The following GALNT4 variants were observed in gnomAD, a reference collection of about 807,000 sequenced individuals.
The protein encoded by GALNT4 is UDP-GalNAc:polypeptide N-acetylgalactosaminyltransferase 4.
Under a neutral mutation model 45.1 loss-of-function variants are expected in GALNT4, and 23 were observed. The ratio of observed to expected loss-of-function variants is 0.51; its 90% confidence interval spans 0.37 to 0.72. The LOEUF is 0.72. Ranked by LOEUF, GALNT4 falls within the 30% of genes least tolerant of loss-of-function variation. GALNT4 has a pLI of 0.00. For missense variants in GALNT4, 757 were observed against 709.0 expected, an observed-to-expected ratio of 1.07 and a Z score of -0.77; for synonymous variants, 264 against 257.6, an observed-to-expected ratio of 1.02 and a Z score of -0.24.
rs1286802273 is a variant in GALNT4, at chr12:89,523,992, A to C, written c.558T>G (p.Leu186=). The change falls in exon 1 of 1, where the codon CTT becomes CTG. Residue 186 remains leucine (L), a synonymous_variant. Transcript: ENST00000529983. ...TATCAAGATTGCTGATGTAAGTTTC[A>C]AGTTGTGTCTTCAAATAAACTCTGT... The part of the protein sequence containing the change: ...LSDRVYLKTQ[L]ETYISNLDRV... 3.1e-6 allele frequency: 5 copies of C among 1,613,892 alleles called. No homozygotes were observed. In the African/African-American group the frequency reaches 5.3e-5, roughly 17 times the overall value.
Position 89,521,686 on chromosome 12 carries a change from C to CCATTCATTCATTCATTCAGT in GALNT4, c.*1107_*1126dup, listed in dbSNP as rs1312690002. The CCATTCATTCATTCATTCAGT allele has an allele frequency of 4.0e-6, 1 of 248,438 alleles. No homozygotes were observed. The highest frequency in any genetic ancestry group is 7.3e-5 in the East Asian group (1 of 13,738). 15.4% of individuals were successfully genotyped at this position (248,438 alleles called of 1,614,324 possible). On this transcript the variant is annotated 3_prime_UTR_variant, in exon 1 of 1. Coordinates refer to ENST00000529983, the MANE Select transcript of GALNT4 (RefSeq NM_003774.5). Reference sequence around the variant, plus strand: ...ACCAAAGTTACATTCCTCAGCTGAGCCATTCATTCATTCATTCAGTCATTC... The same window carrying CCATTCATTCATTCATTCAGT: ...ACCAAAGTTACATTCCTCAGCTGAGCCATTCATTCATTCATTCAGTCATTCATTCATTCATTCAGTCATTC...
chr12:89,522,651 G>C lies in GALNT4; in HGVS notation c.*162C>G, dbSNP rs1384339847. ...TAAACAGCAGCACTCTGGGTACCCA[G>C]TTTCAGTGTGATATACCAAAATGAA... is the stretch of plus-strand genomic sequence containing the variant. On this transcript the variant is annotated 3_prime_UTR_variant, in exon 1 of 1. Coordinates refer to ENST00000529983, the MANE Select transcript of GALNT4 (RefSeq NM_003774.5). The C allele has an allele frequency of 5.0e-6, 4 of 803,548 alleles. No homozygotes were observed. The highest frequency in any genetic ancestry group is 7.1e-6 in the Non-Finnish European group (4 of 559,834). 49.8% of individuals were successfully genotyped at this position (803,548 alleles called of 1,614,324 possible). A position where few individuals can be genotyped will look rare whatever the true frequency, so the allele number is the denominator to read the frequency against.
rs969955097 is a variant in GALNT4, at chr12:89,520,914, C to T, written c.*1899G>A. 4 of 151,992 alleles carry T rather than the reference C, an allele frequency of 2.6e-5. No individual in the cohort carries two copies. Among genetic ancestry groups the T allele is most frequent in the South Asian group, 2.1e-4 (1 of 4,828 alleles). 9.4% of individuals were successfully genotyped at this position (151,992 alleles called of 1,614,324 possible). A position where few individuals can be genotyped will look rare whatever the true frequency, so the allele number is the denominator to read the frequency against. On this transcript the variant is annotated 3_prime_UTR_variant, in exon 1 of 1. Coordinates refer to ENST00000529983, the MANE Select transcript of GALNT4 (RefSeq NM_003774.5). ...CCAGTAAAAATACTTTTAAAAAAAG[C>T]GTTTACTTCCCGAGTAATTTAGTTT...
Position 89,522,698 on chromosome 12 carries a change from C to T in GALNT4, c.*115G>A. On this transcript the variant is annotated 3_prime_UTR_variant, in exon 1 of 1. Coordinates refer to ENST00000529983, the MANE Select transcript of GALNT4 (RefSeq NM_003774.5). ...TGAACCCCAGCTTTCCAGTGCTCCA[C>T]AGATGACTGCTAGGTGGCTTTTGAT... 1 of 1,375,064 alleles carries T rather than the reference C, an allele frequency of 7.3e-7. No homozygotes were observed. Among genetic ancestry groups the T allele is most frequent in the Admixed American group, 2.7e-5 (1 of 37,332 alleles). 85.2% of individuals were successfully genotyped at this position (1,375,064 alleles called of 1,614,324 possible). A position where few individuals can be genotyped will look rare whatever the true frequency, so the allele number is the denominator to read the frequency against.
Position 89,522,067 on chromosome 12 carries a change from C to T in GALNT4, c.*746G>A, listed in dbSNP as rs550261234. 1.5e-5 allele frequency: 6 copies of T among 398,984 alleles called. No individual in the cohort carries two copies. The highest frequency in any genetic ancestry group is 6.2e-5 in the African/African-American group (3 of 48,736). 24.7% of individuals were successfully genotyped at this position (398,984 alleles called of 1,614,324 possible). The stretch of plus-strand genomic sequence containing the variant: ...AGAAAATGCCCTACACACACAAACA[C>T]GTTCACAGAGAAGACAGCTTACAAA... On this transcript the variant is annotated 3_prime_UTR_variant, in exon 1 of 1. Coordinates refer to ENST00000529983, the MANE Select transcript of GALNT4 (RefSeq NM_003774.5).
rs747094009 is a variant in GALNT4, at chr12:89,521,559, G to T, written c.*1254C>A. On this transcript the variant is annotated 3_prime_UTR_variant, in exon 1 of 1. Transcript: ENST00000529983. The stretch of plus-strand genomic sequence containing the variant: ...TGAGTCAATCTGGGAAGAATATACT[G>T]TACAATCAGCATTTCAGAGCTGGAA... 6.4e-6 allele frequency: 1 copy of T among 155,996 alleles called. No homozygotes were observed. Among genetic ancestry groups the T allele is most frequent in the Non-Finnish European group, 1.4e-5 (1 of 70,822 alleles). The allele number at this position is 155,996 out of a possible 1,614,324, so 9.7% of individuals were successfully genotyped here.
Position 89,524,267 on chromosome 12 carries a change from C to G in GALNT4, c.283G>C (p.Glu95Gln). ...TTGATGGCGTATCTCTCAATGAGTT[C>G]TTCTTGCTGCTTCAGTTCATCCTCG... ...LNEDELKQQEELIERYAINIY... is the reference protein window; with the variant it reads ...LNEDELKQQEQLIERYAINIY... Residue 95 changes from glutamate to glutamine, a missense_variant, in exon 1 of 1, where the codon GAA becomes CAA. Glu to Gln is a conservative substitution (Grantham distance 29, BLOSUM62 2). Coordinates refer to ENST00000529983, the MANE Select transcript of GALNT4 (RefSeq NM_003774.5). 6.2e-7 allele frequency: 1 copy of G among 1,613,966 alleles called. No individual in the cohort carries two copies. Among genetic ancestry groups the G allele is most frequent in the Non-Finnish European group, 8.5e-7 (1 of 1,179,886 alleles).
rs1251995347 is a variant in GALNT4, at chr12:89,523,597, T to C, written c.953A>G (p.Lys318Arg). The change falls in exon 1 of 1, where the codon AAG (lysine) becomes AGG (arginine). Residue 318 changes from lysine to arginine, a missense_variant. By Grantham distance (26) the Lys-to-Arg change is conservative. Coordinates refer to ENST00000529983, the MANE Select transcript of GALNT4 (RefSeq NM_003774.5). ...CGTTCCAAGGTACTGAAAATATTTC[T>C]TGCTGACAGCAAACAGTCCTCCAGC... Reference protein sequence around the residue: ...TMAGGLFAVSKKYFQYLGTYD... With the variant: ...TMAGGLFAVSRKYFQYLGTYD... The C allele has an allele frequency of 3.8e-6, 6 of 1,564,486 alleles. No individual in the cohort carries two copies. The highest frequency in any genetic ancestry group is 2.0e-5 in the Admixed American group (1 of 50,996).
In GALNT4 at chr12:89,522,608, TA is replaced by T; in HGVS notation, c.*204del. 2.1e-6 allele frequency: 1 copy of T among 478,858 alleles called. No homozygotes were observed. Among genetic ancestry groups the T allele is most frequent in the Non-Finnish European group, 3.4e-6 (1 of 290,844 alleles). 29.7% of individuals were successfully genotyped at this position (478,858 alleles called of 1,614,324 possible). A position where few individuals can be genotyped will look rare whatever the true frequency, so the allele number is the denominator to read the frequency against. On this transcript the variant is annotated 3_prime_UTR_variant, in exon 1 of 1. Coordinates refer to ENST00000529983, the MANE Select transcript of GALNT4 (RefSeq NM_003774.5). ...ACTCTTATATAAAACAACCAATAAG[TA>T]AGGCATTGTGAAATATTAAACAGCA...
In GALNT4 at chr12:89,523,907, CCCCAATCAGA is replaced by C. The variant is rs1463513094; in HGVS notation, c.633_642del (p.Leu212ProfsTer42). 1.3e-6 allele frequency: 2 copies of C among 1,594,858 alleles called. No individual in the cohort carries two copies. The highest frequency in any genetic ancestry group is 4.5e-5 in the East Asian group (2 of 44,818). ...AGGACGTCCCCAGTGGCGAAAGTGG[CCCCAATCAGA>C]CGGGCCCTAACCAGCCCCTCTCGCT... On this transcript the variant is annotated frameshift_variant, in exon 1 of 1. Coordinates refer to ENST00000529983, the MANE Select transcript of GALNT4 (RefSeq NM_003774.5). LOFTEE classifies it high-confidence loss of function.
At position 89,523,585 on chromosome 12, in the gene GALNT4, T is replaced by C. The variant is rs1204178887; in HGVS notation, c.965A>G (p.Gln322Arg). The change falls in exon 1 of 1, where the codon CAG becomes CGG. Residue 322 changes from glutamine to arginine, a missense_variant. Transcript: ENST00000529983. ...GLFAVSKKYF[Q>R]YLGTYDTGME... ...TCCTGTGTCATACGTTCCAAGGTAC[T>C]GAAAATATTTCTTGCTGACAGCAAA... 5 of 1,572,618 alleles carry C rather than the reference T, an allele frequency of 3.2e-6. No individual in the cohort carries two copies. Among genetic ancestry groups the C allele is most frequent in the Non-Finnish European group, 4.3e-6 (5 of 1,163,968 alleles).
In GALNT4 at chr12:89,522,077, G is replaced by A. The variant is rs1870931089; in HGVS notation, c.*736C>T. On this transcript the variant is annotated 3_prime_UTR_variant, in exon 1 of 1. Transcript: ENST00000529983. Reference sequence around the variant, plus strand: ...CTACACACACAAACACGTTCACAGAGAAGACAGCTTACAAAATCAGAGGAA... The same window carrying A: ...CTACACACACAAACACGTTCACAGAAAAGACAGCTTACAAAATCAGAGGAA... 1 of 399,018 alleles carries A rather than the reference G, an allele frequency of 2.5e-6. No individual in the cohort carries two copies. Among genetic ancestry groups the A allele is most frequent in the Non-Finnish European group, 4.4e-6 (1 of 226,048 alleles). The allele number at this position is 399,018 out of a possible 1,614,324, so 24.7% of individuals were successfully genotyped here. A position where few individuals can be genotyped will look rare whatever the true frequency, so the allele number is the denominator to read the frequency against.
rs778964233 is a variant in GALNT4 at position 89,523,235 on chromosome 12, C to G, written c.1315G>C (p.Glu439Gln). The G allele has an allele frequency of 2.5e-6, 4 of 1,613,940 alleles. No individual in the cohort carries two copies. The highest frequency in any genetic ancestry group is 3.4e-6 in the Non-Finnish European group (4 of 1,179,910). The change falls in exon 1 of 1, where the codon GAG becomes CAG. Residue 439 changes from glutamate (E) to glutamine (Q), a missense_variant. Coordinates refer to ENST00000529983, the MANE Select transcript of GALNT4 (RefSeq NM_003774.5). ...GCCCCATGCCAGCCTGGTCTATCCT[C>G]TGGAACATGTAAATTAGGAAAAACG... ...KNVFPNLHVPEDRPGWHGAIR... is the reference protein window; with the variant it reads ...KNVFPNLHVPQDRPGWHGAIR...
rs1012221850 is a variant in GALNT4, at chr12:89,520,006, G to A, written c.*2807C>T. The stretch of plus-strand genomic sequence containing the variant: ...AGAGAGCTTTGGTACCAATAAATTC[G>A]AATTAGGGAATCGGTTTTTTTAGAT... On this transcript the variant is annotated 3_prime_UTR_variant, in exon 1 of 1. Transcript: ENST00000529983. 2 of 152,032 alleles carry A rather than the reference G, an allele frequency of 1.3e-5. No individual in the cohort carries two copies. The highest frequency in any genetic ancestry group is 2.1e-4 in the South Asian group (1 of 4,824). The allele number at this position is 152,032 out of a possible 1,614,324, so 9.4% of individuals were successfully genotyped here.
At position 89,521,961 on chromosome 12, in the gene GALNT4, T is replaced by C; in HGVS notation, c.*852A>G. The C allele has an allele frequency of 2.5e-6, 1 of 398,994 alleles. No homozygotes were observed. The highest frequency in any genetic ancestry group is 4.4e-6 in the Non-Finnish European group (1 of 226,052). The allele number at this position is 398,994 out of a possible 1,614,324, so 24.7% of individuals were successfully genotyped here. On this transcript the variant is annotated 3_prime_UTR_variant, in exon 1 of 1. Coordinates refer to ENST00000529983, the MANE Select transcript of GALNT4 (RefSeq NM_003774.5). The stretch of plus-strand genomic sequence containing the variant: ...AGGCTTCAATTGTGTTTACTTTAAA[T>C]GATTAAGCATTAACAAAGGGAGGCA...
rs1870737462 is a variant in GALNT4, at chr12:89,520,290, A to G, written c.*2523T>C. On this transcript the variant is annotated 3_prime_UTR_variant, in exon 1 of 1. Coordinates refer to ENST00000529983, the MANE Select transcript of GALNT4 (RefSeq NM_003774.5). ...GCCTCATTTCCCTTTTGACAGGAGCATCAAGATACTAAAATAAAAATAATG... is the reference window on the plus strand; with the variant it reads ...GCCTCATTTCCCTTTTGACAGGAGCGTCAAGATACTAAAATAAAAATAATG... 1 of 152,216 alleles carries G rather than the reference A, an allele frequency of 6.6e-6. No individual in the cohort carries two copies. Among genetic ancestry groups the G allele is most frequent in the Non-Finnish European group, 1.5e-5 (1 of 68,022 alleles). 9.4% of individuals were successfully genotyped at this position (152,216 alleles called of 1,614,324 possible). A position where few individuals can be genotyped will look rare whatever the true frequency, so the allele number is the denominator to read the frequency against.
chr12:89,522,783 G>A lies in GALNT4; in HGVS notation c.*30C>T. 3.9e-6 allele frequency: 6 copies of A among 1,535,492 alleles called. No individual in the cohort carries two copies. Among genetic ancestry groups the A allele is most frequent in the South Asian group, 1.3e-5 (1 of 76,442 alleles). ...GCTCTTTGACTTTCTTGACACTACT[G>A]TCAGCTCATGACGAAAGTGCTGTTG... On this transcript the variant is annotated 3_prime_UTR_variant, in exon 1 of 1. Coordinates refer to ENST00000529983, the MANE Select transcript of GALNT4 (RefSeq NM_003774.5).
rs565759913 is a variant in GALNT4 at position 89,524,485 on chromosome 12, T to C, written c.65A>G (p.Tyr22Cys). The C allele has an allele frequency of 1.3e-5, 21 of 1,613,328 alleles. No individual in the cohort carries two copies. The highest frequency in any genetic ancestry group is 3.3e-5 in the South Asian group (3 of 91,060). ...CLLLAFLTVA[Y>C]IFVELLVSTF... ...AGAGACCAAGAGCTCCACGAAGATA[T>C]AGGCCACTGTTAAAAACGCCAGCAG... is the stretch of plus-strand genomic sequence containing the variant. The change falls in exon 1 of 1, where the codon TAT becomes TGT. Residue 22 changes from tyrosine to cysteine, a missense_variant. Coordinates refer to ENST00000529983, the MANE Select transcript of GALNT4 (RefSeq NM_003774.5).
rs1451497409 is a variant in GALNT4, at chr12:89,523,346, T to C, written c.1204A>G (p.Arg402Gly). The C allele has an allele frequency of 6.2e-7, 1 of 1,613,956 alleles. No individual in the cohort carries two copies. Among genetic ancestry groups the C allele is most frequent in the Non-Finnish European group, 8.5e-7 (1 of 1,179,906 alleles). The change falls in exon 1 of 1, where the codon AGA becomes GGA. Residue 402 changes from arginine (R) to glycine (G), a missense_variant. By Grantham distance (125) the Arg-to-Gly change is moderately radical. Transcript: ENST00000529983. ...GAAATATCACCATAAGCTTCTTTTC[T>C]TGCTGGAGGGTTTCTATTGTAGAAG... ...EHFYNRNPPA[R>G]KEAYGDISER... is the part of the protein sequence containing the mutation.
Sources: allele counts gnomAD v4.1 joint callset, GRCh38; gene constraint gnomAD v4.1.1; transcripts MANE v1.5; gene names NCBI Gene and HGNC (gene_info 2026-07-23, HGNC 2026-07-21).